The following GSG1L variants were observed in gnomAD, a reference collection of about 807,000 sequenced individuals.
GSG1L encodes GSG1 like, also known as germ cell-specific gene 1-like protein.
GSG1L carries 24 observed loss-of-function variants against 42.1 expected under a neutral mutation model. That is an observed-to-expected ratio of 0.57 (90% CI 0.41 to 0.80). The LOEUF (loss-of-function observed/expected upper bound fraction) is 0.80, where lower values mean the gene tolerates loss of function less well. Among genes scored for constraint, GSG1L ranks in the 30% least tolerant of loss-of-function variants. The pLI, the probability that GSG1L is intolerant of heterozygous loss-of-function variation, is 0.00. For synonymous variants in GSG1L, 215 were observed against 203.5 expected, an observed-to-expected ratio of 1.06 and a Z score of -0.48; for missense variants, 445 against 472.2, an observed-to-expected ratio of 0.94 and a Z score of 0.53.
chr16:27,829,008 G>A, intron 4 of GSG1L, 52 bp from the exon 5 acceptor site: 2 of 1,563,548 alleles, frequency 1.3e-6, no homozygotes, highest in South Asian at 1.1e-5. Context: ...CAAGGGACAG[G>A]AAAAATCCCA....
intron 2 of GSG1L, among the ~76,000 whole-genome samples, chr16:27,912,175 A>C (rs2084399521): frequency 6.6e-6 from 1 of 152,190 alleles, no homozygotes; most frequent in Admixed American, 6.5e-5. Context: ...AGCTCCCAGC[A>C]TGCCTCACAG....
chr16:27,895,719 G>A (rs2084184072), intron 2 of GSG1L, among the ~76,000 whole-genome samples: 1 of 151,904 alleles, frequency 6.6e-6, no homozygotes, highest in Non-Finnish European at 1.5e-5. Context: ...CAGAGAGGGC[G>A]AGTGAGTTGC....
At chr16:27,952,342 A>C (rs899281451) in intron 2 of GSG1L, among the ~76,000 whole-genome samples, 1 of 152,360 alleles carries the variant, frequency 6.6e-6, no homozygotes, top group East Asian at 1.9e-4. Context: ...ATCAGTGCTC[A>C]GAGGACCAGT....
intron 2 of GSG1L, among the ~76,000 whole-genome samples, chr16:27,953,347 C>A (rs2084970723): frequency 6.6e-6 from 1 of 152,176 alleles, no homozygotes; most frequent in Non-Finnish European, 1.5e-5. Context: ...ACCTTGGCCT[C>A]CCAAAGCACT....
Position 27,914,916 on chromosome 16 carries a change from C to T in GSG1L, c.398-30278G>A, listed in dbSNP as rs1263493208. On this transcript the variant is annotated intron_variant, in intron 2 of 6. Transcript: ENST00000447459. ...AAAATAACAAGTGTCTGGAAGGGAC[C>T]ATAGACAAGTGGCAGGTGACATTCT... Among the ~76,000 whole-genome samples the T allele has an allele frequency of 6.6e-5, 10 of 152,104 alleles. No homozygotes were observed. In the South Asian group the frequency reaches 8.3e-4, roughly 13 times the overall value.
intron 1 of GSG1L, among the ~76,000 whole-genome samples, chr16:28,053,438 C>T: frequency 6.6e-6 from 1 of 152,202 alleles, no homozygotes. Context: ...ACACTGCACC[C>T]ACCCACTGCT....
chr16:27,980,064 G>T (rs1018558075), intron 1 of GSG1L, among the ~76,000 whole-genome samples: 4 of 152,174 alleles, frequency 2.6e-5, no homozygotes, highest in African/African-American at 9.7e-5. Flanking sequence ...CCAGAAGCAG[G>T]AGGCTGTAAT....
chr16:27,998,680 G>A lies in GSG1L; in HGVS notation c.350-35477C>T, dbSNP rs187500465. 4.6e-5 allele frequency among the ~76,000 whole-genome samples: 7 copies of A among 152,206 alleles called. No homozygotes were observed. In the East Asian group the frequency reaches 9.6e-4, roughly 21 times the overall value. On this transcript the variant is annotated intron_variant, in intron 1 of 6. Transcript: ENST00000447459. ...CATGAACCTCTAGTCCCAGCTACCC[G>A]GGAGGCTGAAGCAGGAGGATCATTT...
chr16:27,981,880 T>C (rs942929060), intron 1 of GSG1L, among the ~76,000 whole-genome samples: 1 of 152,186 alleles, frequency 6.6e-6, no homozygotes, highest in African/African-American at 2.4e-5. Flanking sequence ...AGATTTAAAC[T>C]TACAGAGTCC....
At chr16:27,947,181 C>A (rs1041765273) in intron 2 of GSG1L, among the ~76,000 whole-genome samples, 2 of 152,080 alleles carry the variant, frequency 1.3e-5, no homozygotes, top group African/African-American at 4.8e-5. Flanking sequence ...GGCTGGAGTG[C>A]AGTGGTGCAA....
At chr16:28,022,643 T>C (rs975799659) in intron 1 of GSG1L, among the ~76,000 whole-genome samples, 2 of 151,984 alleles carry the variant, frequency 1.3e-5, no homozygotes, top group African/African-American at 4.8e-5. Flanking sequence ...AGCTAATTTT[T>C]GTATTTTTCT....
chr16:27,926,094 C>CA (rs2141067926), intron 2 of GSG1L, among the ~76,000 whole-genome samples: 1 of 152,238 alleles, frequency 6.6e-6, no homozygotes, highest in South Asian at 2.1e-4. Context: ...TTCATGAATA[C>CA]AAGATAGGAA....
chr16:28,053,141 A>C (rs1177587480), intron 1 of GSG1L, among the ~76,000 whole-genome samples: 2 of 152,142 alleles, frequency 1.3e-5, no homozygotes, highest in Admixed American at 1.3e-4. Context: ...GCCCAGAGAG[A>C]AGGGGGTGGC....
intron 1 of GSG1L, among the ~76,000 whole-genome samples, chr16:27,992,240 T>C (rs1391762878): frequency 6.6e-6 from 1 of 152,224 alleles, no homozygotes; most frequent in Non-Finnish European, 1.5e-5. Context: ...CTCACGCCTG[T>C]AATCCAAGCA....
intron 3 of GSG1L, among the ~76,000 whole-genome samples, 162 bp from the exon 4 acceptor site, chr16:27,845,223 C>T (rs2083429942): frequency 6.6e-6 from 1 of 152,132 alleles, no homozygotes; most frequent in Non-Finnish European, 1.5e-5. Flanking sequence ...GCTTGGGAGG[C>T]CAGAGAGGGT....
intron 1 of GSG1L, among the ~76,000 whole-genome samples, chr16:28,004,474 GAA>G (rs34685470): frequency 3.9e-4 from 54 of 137,240 alleles, no homozygotes; most frequent in Middle Eastern, 3.7e-3. Flanking sequence ...AGTGAGTGAG[GAA>G]AAAAAAAAAA....
intron 1 of GSG1L, among the ~76,000 whole-genome samples, chr16:28,013,210 A>C (rs1596700803): frequency 8.3e-6 from 1 of 121,004 alleles, no homozygotes; most frequent in South Asian, 3.1e-4. Flanking sequence ...CAAGAGCAAA[A>C]CTCTGACTCA....
intron 2 of GSG1L, among the ~76,000 whole-genome samples, chr16:27,906,307 A>G (rs1175630814): frequency 6.6e-6 from 1 of 152,158 alleles, no homozygotes; most frequent in Non-Finnish European, 1.5e-5. Flanking sequence ...AAGAGCTTCT[A>G]GTAGAAGATA....
In GSG1L at chr16:27,967,685, G is replaced by A. The variant is rs112843503; in HGVS notation, c.350-4482C>T. Among the ~76,000 whole-genome samples the A allele has an allele frequency of 1.4e-3, 206 of 152,270 alleles. 1 individual carries two copies. Among genetic ancestry groups the A allele is most frequent in the African/African-American group, 4.8e-3 (201 of 41,550 alleles). On this transcript the variant is annotated intron_variant, in intron 1 of 6. Coordinates refer to ENST00000447459, the MANE Select transcript of GSG1L (RefSeq NM_001109763.2). ...TCATGCCTATAATCTCAGCACTTTC[G>A]GAGGATCACTTGAGCCCAGGAGTTC...
Sources: gnomAD v4.1 joint callset for allele counts (sites outside exome capture counted in the v4.1 genomes callset) on GRCh38, gnomAD v4.1.1 for gene constraint, MANE v1.5 for transcripts, NCBI Gene and HGNC (gene_info 2026-07-23, HGNC 2026-07-21) for gene names.